The following BRMS1L variants were observed in gnomAD, a reference collection of about 807,000 sequenced individuals.
The protein encoded by BRMS1L is BRMS1 like transcriptional repressor.
In BRMS1L, 23 loss-of-function variants were observed where a neutral mutation model predicts 50.3. That is an observed-to-expected ratio of 0.46 (90% confidence interval 0.33 to 0.65). BRMS1L has a LOEUF of 0.65. BRMS1L is among the 30% of genes least tolerant of loss of function. BRMS1L has a pLI of 0.02. For synonymous variants in BRMS1L, 114 were observed against 126.9 expected (o/e 0.90, Z 0.69); for missense variants, 286 against 386.1 (o/e 0.74, Z 2.17).
chr14:35,843,404 C>G (rs2078091585), intron 4 of BRMS1L, among the ~76,000 whole-genome samples: 1 of 152,146 alleles, frequency 6.6e-6, no homozygotes. Context: ...CTATTCCTTT[C>G]TGTTCGTTAG....
chr14:35,867,768 T>G, intron 8 of BRMS1L, 138 bp from the exon 9 acceptor site: 4 of 724,614 alleles, frequency 5.5e-6, no homozygotes, highest in Non-Finnish European at 8.0e-6. Context: ...TTTTATTACA[T>G]TTTAGGTTTG....
intron 4 of BRMS1L, among the ~76,000 whole-genome samples, chr14:35,835,510 A>G (rs1355593419): frequency 6.6e-6 from 1 of 152,214 alleles, no homozygotes; most frequent in Non-Finnish European, 1.5e-5. Context: ...CCAGTAATGG[A>G]ACACTAGGCA....
intron 4 of BRMS1L, among the ~76,000 whole-genome samples, chr14:35,847,614 A>G (rs964185351): frequency 1.3e-5 from 2 of 152,248 alleles, no homozygotes; most frequent in African/African-American, 4.8e-5. Flanking sequence ...GGTACTAATG[A>G]TGAGGTGCAA....
intron 4 of BRMS1L, among the ~76,000 whole-genome samples, chr14:35,839,611 G>C (rs1370636983): frequency 6.6e-6 from 1 of 152,072 alleles, no homozygotes; most frequent in Admixed American, 6.6e-5. Flanking sequence ...AGATTCCTAG[G>C]TATTTTATTC....
At chr14:35,829,479 G>A (rs762853514) in intron 1 of BRMS1L, among the ~76,000 whole-genome samples, 1 of 152,276 alleles carries the variant, frequency 6.6e-6, no homozygotes, top group East Asian at 1.9e-4. Flanking sequence ...TAAGTGCAAA[G>A]AAATTGTTTA....
chr14:35,844,538 T>C (rs1340853717), intron 4 of BRMS1L, among the ~76,000 whole-genome samples: 1 of 152,156 alleles, frequency 6.6e-6, no homozygotes, highest in East Asian at 1.9e-4. Flanking sequence ...CCAGTCTCAG[T>C]GAGATGAACC....
intron 4 of BRMS1L, among the ~76,000 whole-genome samples, chr14:35,852,409 C>T (rs1013799148): frequency 2.0e-5 from 3 of 152,118 alleles, no homozygotes; most frequent in South Asian, 4.1e-4. Context: ...GTGTTGAATC[C>T]GTAAATCACT....
Position 35,833,116 on chromosome 14 carries a change from G to T in BRMS1L, c.361+11G>T, listed in dbSNP as rs1191583139. On this transcript the variant is annotated intron_variant, in intron 3 of 9. Transcript: ENST00000216807. ...GTACAAAGGTAGCAGGTAGGAAAGTGAAGAATCTTTTCCATATATAGAATG... is the reference window on the plus strand; with the variant it reads ...GTACAAAGGTAGCAGGTAGGAAAGTTAAGAATCTTTTCCATATATAGAATG... 4.4e-6 allele frequency: 7 copies of T among 1,606,190 alleles called. No homozygotes were observed. The highest frequency in any genetic ancestry group is 6.0e-6 in the Non-Finnish European group (7 of 1,175,298).
intron 4 of BRMS1L, among the ~76,000 whole-genome samples, chr14:35,847,188 T>C (rs1242992703): frequency 1.3e-5 from 2 of 152,260 alleles, no homozygotes; most frequent in African/African-American, 2.4e-5. Context: ...CATGTTGCTC[T>C]GGCTGGTCTC....
chr14:35,835,540 A>T (rs192399569), intron 4 of BRMS1L, among the ~76,000 whole-genome samples: 71 of 152,308 alleles, frequency 4.7e-4, no homozygotes, highest in African/African-American at 1.7e-3. Context: ...TAAAATATTT[A>T]TAGCATTTAA....
Position 35,838,661 on chromosome 14 carries a change from A to G in BRMS1L, c.441+3738A>G, listed in dbSNP as rs1020860121. 5.6e-3 allele frequency among the ~76,000 whole-genome samples: 847 copies of G among 152,328 alleles called. 11 individuals carry two copies. The highest frequency in any genetic ancestry group is 8.7e-3 in the Non-Finnish European group (594 of 68,026). On this transcript the variant is annotated intron_variant, in intron 4 of 9. Coordinates refer to ENST00000216807, the MANE Select transcript of BRMS1L (RefSeq NM_032352.4). ...TTTTTTTCATATGTTTGTTGGCTGC[A>G]TAAATGTCTTCTTTTGAGAAGTGTC...
In BRMS1L at chr14:35,857,774, G is replaced by A. The variant is rs377406063; in HGVS notation, c.442-4816G>A. Among the ~76,000 whole-genome samples the A allele has an allele frequency of 5.9e-5, 9 of 151,686 alleles. No individual in the cohort carries two copies. In the East Asian group the frequency reaches 1.2e-3, roughly 20 times the overall value. On this transcript the variant is annotated intron_variant, in intron 4 of 9. Coordinates refer to ENST00000216807, the MANE Select transcript of BRMS1L (RefSeq NM_032352.4). ...TTTACTGAGTCAAGAGTTACATTAT[G>A]TTTAAAATTTTTCTTGTGTATTTTT...
chr14:35,855,904 A>G (rs1472766627), intron 4 of BRMS1L, among the ~76,000 whole-genome samples: 1 of 152,216 alleles, frequency 6.6e-6, no homozygotes, highest in African/African-American at 2.4e-5. Context: ...GATGTTGAGT[A>G]ATTTGCTCAG....
Position 35,870,624 on chromosome 14 carries a change from A to C in BRMS1L, c.*147A>C. 51 of 460,764 alleles carry C rather than the reference A, an allele frequency of 1.1e-4. No homozygotes were observed. Among genetic ancestry groups the C allele is most frequent in the East Asian group, 2.2e-4 (6 of 27,086 alleles). 28.5% of individuals were successfully genotyped at this position (460,764 alleles called of 1,614,324 possible). ...GTAGGTAGTACTCTAAATAGATCTCATTGATATGTTATTAAAAGAAACAGT... is the reference window on the plus strand; with the variant it reads ...GTAGGTAGTACTCTAAATAGATCTCCTTGATATGTTATTAAAAGAAACAGT... On this transcript the variant is annotated 3_prime_UTR_variant, in exon 10 of 10. Coordinates refer to ENST00000216807, the MANE Select transcript of BRMS1L (RefSeq NM_032352.4).
chr14:35,837,477 T>A (rs552314158), intron 4 of BRMS1L, among the ~76,000 whole-genome samples: 7 of 152,320 alleles, frequency 4.6e-5, no homozygotes, highest in Admixed American at 6.5e-5. Flanking sequence ...ACCAGTATCA[T>A]AGTATCTTTT....
intron 3 of BRMS1L, 113 bp downstream of exon 3, chr14:35,833,218 C>G: frequency 9.2e-7 from 1 of 1,086,110 alleles, no homozygotes; most frequent in Non-Finnish European, 1.3e-6. Flanking sequence ...ATATTTACAT[C>G]GACCAGAATA....
rs185911331 is a variant in BRMS1L at position 35,836,459 on chromosome 14, G to C, written c.441+1536G>C. Among the ~76,000 whole-genome samples, 30 of 152,172 alleles carry C rather than the reference G, an allele frequency of 2.0e-4. No homozygotes were observed. The East Asian group carries it at 4.1e-3, about 21-fold the overall frequency. ...GGCCTCAAGCCATCCTCCTGCCTCA[G>C]CCTCCTGAGTAGCTGGGACTACAGA... On this transcript the variant is annotated intron_variant, in intron 4 of 9. Coordinates refer to ENST00000216807, the MANE Select transcript of BRMS1L (RefSeq NM_032352.4).
At chr14:35,851,749 C>G (rs2078214168) in intron 4 of BRMS1L, among the ~76,000 whole-genome samples, 1 of 152,128 alleles carries the variant, frequency 6.6e-6, no homozygotes, top group African/African-American at 2.4e-5. Context: ...ATGGAGGTGC[C>G]TCAGAAAATT....
chr14:35,864,973 C>T lies in BRMS1L; in HGVS notation c.661C>T (p.Leu221Phe). 1 of 1,582,072 alleles carries T rather than the reference C, an allele frequency of 6.3e-7. No homozygotes were observed. ...IVYMLQDLDILEDWTTIRKAM... is the reference protein window; with the variant it reads ...IVYMLQDLDIFEDWTTIRKAM... Reference sequence around the variant, plus strand: ...TTATATGCTACAAGATCTTGATATTCTTGAAGACTGGACAACAATTAGGAA... The same window carrying T: ...TTATATGCTACAAGATCTTGATATTTTTGAAGACTGGACAACAATTAGGAA... Residue 221 changes from leucine (L) to phenylalanine (F), a missense_variant, in exon 7 of 10, where the codon CTT becomes TTT. This residue lies in a region of BRMS1L where 160 missense variants were observed against 240.6 expected (regional missense o/e 0.66). Transcript: ENST00000216807.
Sources: allele counts gnomAD v4.1 joint callset (sites outside exome capture counted in the v4.1 genomes callset), GRCh38; gene constraint gnomAD v4.1.1; regional missense constraint gnomAD v4.1.1; transcripts MANE v1.5; gene names NCBI Gene and HGNC (gene_info 2026-07-23, HGNC 2026-07-21).